Variants in ZAR1 observed in about 807,000 individuals in gnomAD.
ZAR1 encodes zygote arrest protein 1.
ZAR1 carries 37 observed loss-of-function variants against 38.3 expected under a neutral mutation model. That is an observed-to-expected ratio of 0.97 (90% CI 0.74 to 1.27). The LOEUF (loss-of-function observed/expected upper bound fraction) is 1.27. Ranked by LOEUF, ZAR1 falls within the 50% of genes most tolerant of loss-of-function variation. The probability of loss-of-function intolerance (pLI) is 0.00; values close to 1 mark genes in which losing one functional copy is unlikely to be tolerated. For synonymous variants in ZAR1, 336 were observed against 292.0 expected (o/e 1.15, Z -1.53); for missense variants, 651 against 632.4 (o/e 1.03, Z -0.32).
chr4:48,491,771 C>T (rs977230668), intron 1 of ZAR1, among the ~76,000 whole-genome samples: 25 of 152,222 alleles, frequency 1.6e-4, no homozygotes, highest in African/African-American at 5.8e-4. Flanking sequence ...TAAAATGCCC[C>T]TTCCTAGGAA....
intron 1 of ZAR1, among the ~76,000 whole-genome samples, chr4:48,492,161 A>AT (rs1718461706): frequency 6.6e-6 from 1 of 152,218 alleles, no homozygotes; most frequent in African/African-American, 2.4e-5. Context: ...AGCAGACTGA[A>AT]TTAAGTGCTC....
At chr4:48,495,478 T>G (rs1236000728), downstream of ZAR1, among the ~76,000 whole-genome samples, 1 of 152,328 alleles carries the variant, frequency 6.6e-6, no homozygotes, top group African/African-American at 2.4e-5. Flanking sequence ...TGGACAGAGA[T>G]GGTGCGTGTA....
rs895468380 is a variant in ZAR1, at chr4:48,491,328, T to G, written c.963+74T>G. The G allele has an allele frequency of 1.9e-4, 213 of 1,129,900 alleles. No homozygotes were observed. The African/African-American group carries it at 3.1e-3, about 17-fold the overall frequency. 70.0% of individuals were successfully genotyped at this position (1,129,900 alleles called of 1,614,324 possible). On this transcript the variant is annotated intron_variant, in intron 1 of 3. Transcript: ENST00000327939. Reference sequence around the variant, plus strand: ...TCTTCCTTGGGCCTGGCCCTGTGACTGCTTCGGGCACTCGGAGGTGCGGCG... The same window carrying G: ...TCTTCCTTGGGCCTGGCCCTGTGACGGCTTCGGGCACTCGGAGGTGCGGCG...
In ZAR1 at chr4:48,491,050, G is replaced by A; in HGVS notation, c.759G>A (p.Trp253Ter). The A allele has an allele frequency of 1.5e-6, 2 of 1,338,706 alleles. No homozygotes were observed. Among genetic ancestry groups the A allele is most frequent in the South Asian group, 3.9e-5 (2 of 51,756 alleles). The allele number at this position is 1,338,706 out of a possible 1,614,324, so 82.9% of individuals were successfully genotyped here. Residue 253 changes from tryptophan (W) to a stop codon, truncating the protein, a stop_gained, in exon 1 of 4, where the codon TGG becomes TGA. Transcript: ENST00000327939. LOFTEE classifies it high-confidence loss of function. Reference sequence around the variant, plus strand: ...CCCAGGCCGCAGTCCGAGCGAGCTGGGAGCAGCCGGCCGACGGTCCCGAGC... The same window carrying A: ...CCCAGGCCGCAGTCCGAGCGAGCTGAGAGCAGCCGGCCGACGGTCCCGAGC... ...GEAQAAVRASWEQPADGPELP... is the reference protein window; with the variant it reads ...GEAQAAVRAS
rs1320601489 is a variant in ZAR1 at position 48,490,837 on chromosome 4, C to G, written c.546C>G (p.Tyr182Ter). 2 of 1,502,728 alleles carry G rather than the reference C, an allele frequency of 1.3e-6. No individual in the cohort carries two copies. The highest frequency in any genetic ancestry group is 1.8e-6 in the Non-Finnish European group (2 of 1,133,932). 93.1% of individuals were successfully genotyped at this position (1,502,728 alleles called of 1,614,324 possible). The part of the protein sequence containing the change: ...PMRFPRTVAV[Y>*]SPLALRRLTA... ...GCTTCCCGCGCACCGTCGCCGTGTA[C>G]TCGCCCCTGGCCTTGCGCCGTCTCA... is the stretch of plus-strand genomic sequence containing the variant. The change falls in exon 1 of 4, where the codon TAC becomes TAG. Residue 182 changes from tyrosine to a stop codon, truncating the protein, a stop_gained. Coordinates refer to ENST00000327939, the MANE Select transcript of ZAR1 (RefSeq NM_175619.3). LOFTEE classifies it high-confidence loss of function.
Position 48,490,479 on chromosome 4 carries a change from TC to T in ZAR1, c.191del (p.Pro64ArgfsTer6). ...PCSAGAASLS[F>X]PGCGRLTAAE... ...TCGGCGGGCGCGGCCTCGTTGTCCT[TC>T]CCGGGCTGCGGGCGGCTGACGGCCG... On this transcript the variant is annotated frameshift_variant, in exon 1 of 4. Transcript: ENST00000327939. LOFTEE classifies it high-confidence loss of function. The T allele has an allele frequency of 6.8e-7, 1 of 1,470,058 alleles. No individual in the cohort carries two copies. The allele number at this position is 1,470,058 out of a possible 1,614,324, so 91.1% of individuals were successfully genotyped here.
chr4:48,495,506 C>T (rs1718562005), downstream of ZAR1, among the ~76,000 whole-genome samples: 2 of 152,326 alleles, frequency 1.3e-5, no homozygotes, highest in South Asian at 4.1e-4. Context: ...GATTACTGGG[C>T]ACCTGTCCTA....
chr4:48,491,126 A>C lies in ZAR1; in HGVS notation c.835A>C (p.Arg279=). 10 of 1,250,754 alleles carry C rather than the reference A, an allele frequency of 8.0e-6. No homozygotes were observed. The highest frequency in any genetic ancestry group is 9.0e-6 in the Non-Finnish European group (9 of 999,322). The allele number at this position is 1,250,754 out of a possible 1,614,324, so 77.5% of individuals were successfully genotyped here. ...CGAGGCGGCTCCGCGGTCGGCGCTA[A>C]GGAGCCCGGGGCAACCTCCGTCGGC... ...EGEAAPRSAL[R]SPGQPPSAGR... is the part of the protein sequence containing the mutation. Residue 279 remains arginine (R), a synonymous_variant, in exon 1 of 4, where the codon AGG becomes CGG. Coordinates refer to ENST00000327939, the MANE Select transcript of ZAR1 (RefSeq NM_175619.3).
rs1560482374 is a variant in ZAR1, at chr4:48,490,938, C to G, written c.647C>G (p.Pro216Arg). The G allele has an allele frequency of 1.7e-5, 23 of 1,341,576 alleles. No homozygotes were observed. The highest frequency in any genetic ancestry group is 2.1e-5 in the Non-Finnish European group (22 of 1,051,150). The allele number at this position is 1,341,576 out of a possible 1,614,324, so 83.1% of individuals were successfully genotyped here. The change falls in exon 1 of 4, where the codon CCG becomes CGG. Residue 216 changes from proline (P) to arginine (R), a missense_variant. Pro to Arg is a moderately radical substitution (Grantham distance 103). Coordinates refer to ENST00000327939, the MANE Select transcript of ZAR1 (RefSeq NM_175619.3). ...SGASDGERGP[P>R]PARLQGPEEG... ...GCGTCGGACGGAGAGAGGGGGCCGCCGCCCGCGCGGCTTCAAGGCCCAGAG... is the reference window on the plus strand; with the variant it reads ...GCGTCGGACGGAGAGAGGGGGCCGCGGCCCGCGCGGCTTCAAGGCCCAGAG...
downstream of ZAR1, among the ~76,000 whole-genome samples, chr4:48,496,657 ACT>A (rs1228579017): frequency 1.3e-5 from 2 of 152,180 alleles, no homozygotes; most frequent in Admixed American, 6.5e-5. Context: ...GCACTGCCAA[ACT>A]CTATGTGTAC....
chr4:48,494,048 G>GAA, intron 3 of ZAR1, 53 bp from the exon 4 acceptor site: 1 of 1,581,978 alleles, frequency 6.3e-7, no homozygotes, highest in Non-Finnish European at 8.6e-7. Context: ...GAAGTCCTAG[G>GAA]AAATCACTAA....
chr4:48,491,361 A>C, intron 1 of ZAR1, 107 bp downstream of exon 1: 3 of 880,162 alleles, frequency 3.4e-6, no homozygotes, highest in Non-Finnish European at 4.5e-6. Flanking sequence ...GCGCTTCCCT[A>C]AGCGTGGGCT....
Position 48,491,036 on chromosome 4 carries a change from G to C in ZAR1, c.745G>C (p.Val249Leu), listed in dbSNP as rs1481865541. Residue 249 changes from valine to leucine, a missense_variant, in exon 1 of 4, where the codon GTC (valine) becomes CTC (leucine). Coordinates refer to ENST00000327939, the MANE Select transcript of ZAR1 (RefSeq NM_175619.3). ...CGACGACGGCGAGGCCCAGGCCGCA[G>C]TCCGAGCGAGCTGGGAGCAGCCGGC... is the stretch of plus-strand genomic sequence containing the variant. ...SDDDGEAQAAVRASWEQPADG... is the reference protein window; with the variant it reads ...SDDDGEAQAALRASWEQPADG... 2 of 1,355,802 alleles carry C rather than the reference G, an allele frequency of 1.5e-6. No homozygotes were observed. Among genetic ancestry groups the C allele is most frequent in the Admixed American group, 3.7e-5 (1 of 27,338 alleles). 84.0% of individuals were successfully genotyped at this position (1,355,802 alleles called of 1,614,324 possible).
chr4:48,491,061 C>T lies in ZAR1; in HGVS notation c.770C>T (p.Ala257Val), dbSNP rs1398705666. 9.8e-6 allele frequency: 13 copies of T among 1,330,848 alleles called. No individual in the cohort carries two copies. The highest frequency in any genetic ancestry group is 3.1e-5 in the African/African-American group (2 of 64,954). The allele number at this position is 1,330,848 out of a possible 1,614,324, so 82.4% of individuals were successfully genotyped here. ...GTCCGAGCGAGCTGGGAGCAGCCGG[C>T]CGACGGTCCCGAGCTGCCGCCGCGA... ...AAVRASWEQP[A>V]DGPELPPREA... Residue 257 changes from alanine (A) to valine (V), a missense_variant, in exon 1 of 4, where the codon GCC becomes GTC. Transcript: ENST00000327939.
rs1189495520 is a variant in ZAR1, at chr4:48,493,177, G to GT, written c.1131+166dup. On this transcript the variant is annotated intron_variant, in intron 3 of 3. Coordinates refer to ENST00000327939, the MANE Select transcript of ZAR1 (RefSeq NM_175619.3). ...TACTCAGCTGGGAAACGGGGCCTTG[G>GT]TGTTAGCTTCTTTCTGGCCTTGCAA... 7.9e-5 allele frequency among the ~76,000 whole-genome samples: 12 copies of GT among 152,198 alleles called. No individual in the cohort carries two copies. The East Asian group carries it at 2.3e-3, about 29-fold the overall frequency.
Position 48,490,706 on chromosome 4 carries a change from G to A in ZAR1, c.415G>A (p.Gly139Ser). Reference sequence around the variant, plus strand: ...GGCCCGCGACCCCGAGTCCCCGGCCGGCCCCGGGGCCGAGGGCACCACGGG... The same window carrying A: ...GGCCCGCGACCCCGAGTCCCCGGCCAGCCCCGGGGCCGAGGGCACCACGGG... ...RRARDPESPAGPGAEGTTGGG... is the reference protein window; with the variant it reads ...RRARDPESPASPGAEGTTGGG... The change falls in exon 1 of 4, where the codon GGC (glycine) becomes AGC (serine). Residue 139 changes from glycine to serine, a missense_variant. By Grantham distance (56) the Gly-to-Ser change is moderately conservative. Coordinates refer to ENST00000327939, the MANE Select transcript of ZAR1 (RefSeq NM_175619.3). 3 of 1,327,612 alleles carry A rather than the reference G, an allele frequency of 2.3e-6. No homozygotes were observed. Among genetic ancestry groups the A allele is most frequent in the South Asian group, 2.0e-5 (1 of 50,752 alleles). The allele number at this position is 1,327,612 out of a possible 1,614,324, so 82.2% of individuals were successfully genotyped here.
At chr4:48,494,390 T>C, downstream of ZAR1, 1 of 1,000,750 alleles carries the variant, frequency 1.0e-6, no homozygotes, top group Non-Finnish European at 1.5e-6. Context: ...TGCAACACGA[T>C]TTATACATTG....
At chr4:48,493,442 T>C (rs1414714999) in intron 3 of ZAR1, among the ~76,000 whole-genome samples, 1 of 152,232 alleles carries the variant, frequency 6.6e-6, no homozygotes, top group Non-Finnish European at 1.5e-5. Context: ...AGGGACAGTT[T>C]AAGATAAATC....
downstream of ZAR1, among the ~76,000 whole-genome samples, chr4:48,494,634 G>A (rs901273677): frequency 2.0e-5 from 3 of 151,988 alleles, no homozygotes; most frequent in East Asian, 1.9e-4. Context: ...ATAAAAAGCC[G>A]CCTAGCGATC....
Sources: allele counts gnomAD v4.1 joint callset (sites outside exome capture counted in the v4.1 genomes callset), GRCh38; gene constraint gnomAD v4.1.1; transcripts MANE v1.5; gene names NCBI Gene and HGNC (gene_info 2026-07-23, HGNC 2026-07-21).